Variants in KCNH7 observed in about 807,000 individuals in gnomAD.
The protein encoded by KCNH7 is potassium voltage-gated channel subfamily H member 7.
Under a neutral mutation model 120.8 loss-of-function variants are expected in KCNH7, and 49 were observed. The ratio of observed to expected loss-of-function variants is 0.41; its 90% CI spans 0.32 to 0.51. KCNH7 has a LOEUF of 0.51. Among genes scored for constraint, KCNH7 ranks in the 20% least tolerant of loss-of-function variants. KCNH7 has a pLI of 0.38. For missense variants in KCNH7, 1,097 were observed against 1,446.6 expected, an observed-to-expected ratio of 0.76 and a Z score of 3.92; for synonymous variants, 547 against 516.1, an observed-to-expected ratio of 1.06 and a Z score of -0.81.
At chr2:162,709,657 A>G (rs949488701) in intron 2 of KCNH7, among the ~76,000 whole-genome samples, 16 of 152,128 alleles carry the variant, frequency 1.1e-4, no homozygotes, top group Non-Finnish European at 2.2e-4. Context: ...AGATCTGTTT[A>G]TACTTTTCCC....
intron 2 of KCNH7, among the ~76,000 whole-genome samples, chr2:162,794,951 C>G (rs1559137669): frequency 1.3e-5 from 2 of 151,968 alleles, no homozygotes; most frequent in Non-Finnish European, 2.9e-5. Flanking sequence ...AAATACATAT[C>G]AGAGCTAATG....
chr2:162,484,913 T>C (rs1278489526), intron 6 of KCNH7, among the ~76,000 whole-genome samples: 2 of 152,204 alleles, frequency 1.3e-5, no homozygotes, highest in African/African-American at 2.4e-5. Flanking sequence ...CAGATGCAGA[T>C]GCCCAATCTT....
intron 2 of KCNH7, among the ~76,000 whole-genome samples, chr2:162,750,845 A>T (rs931182354): frequency 1.3e-5 from 2 of 152,180 alleles, no homozygotes; most frequent in Non-Finnish European, 2.9e-5. Flanking sequence ...CTCAATATTT[A>T]TATGGAAAAT....
At chr2:162,695,034 G>A (rs191776405) in intron 2 of KCNH7, among the ~76,000 whole-genome samples, 19 of 152,184 alleles carry the variant, frequency 1.2e-4, no homozygotes, top group Admixed American at 9.2e-4. Flanking sequence ...AGAAAGTGCT[G>A]GGATTGCAGG....
At chr2:162,689,823 G>A (rs1686037402) in intron 2 of KCNH7, among the ~76,000 whole-genome samples, 1 of 152,076 alleles carries the variant, frequency 6.6e-6, no homozygotes. Context: ...CTTAATAAGA[G>A]AGAAGCCCAA....
intron 8 of KCNH7, among the ~76,000 whole-genome samples, chr2:162,424,371 G>A (rs2105493243): frequency 6.6e-6 from 1 of 152,040 alleles, no homozygotes; most frequent in South Asian, 2.1e-4. Flanking sequence ...TTTCTCTCTT[G>A]TTTATATTTG....
At chr2:162,588,295 T>C (rs1314937001) in intron 2 of KCNH7, among the ~76,000 whole-genome samples, 1 of 152,156 alleles carries the variant, frequency 6.6e-6, no homozygotes, top group Non-Finnish European at 1.5e-5. Context: ...ATTCAATTTT[T>C]ATGTTATCTT....
At chr2:162,376,032 T>C (rs576538767) in intron 14 of KCNH7, among the ~76,000 whole-genome samples, 1 of 152,146 alleles carries the variant, frequency 6.6e-6, no homozygotes, top group Non-Finnish European at 1.5e-5. Context: ...GTTTTAGAAC[T>C]TTTTCTTCTG....
intron 2 of KCNH7, among the ~76,000 whole-genome samples, chr2:162,723,643 G>C (rs1687409646): frequency 6.6e-6 from 1 of 152,028 alleles, no homozygotes; most frequent in African/African-American, 2.4e-5. Context: ...TCCCAATGTT[G>C]ATCAACTTTT....
At chr2:162,445,674 A>G (rs1688554730) in intron 7 of KCNH7, among the ~76,000 whole-genome samples, 1 of 152,212 alleles carries the variant, frequency 6.6e-6, no homozygotes, top group Non-Finnish European at 1.5e-5. Flanking sequence ...ATGAGTTAAG[A>G]AAAACAGAGA....
intron 5 of KCNH7, among the ~76,000 whole-genome samples, chr2:162,510,599 T>C (rs1691038210): frequency 6.6e-6 from 1 of 151,742 alleles, no homozygotes; most frequent in African/African-American, 2.4e-5. Flanking sequence ...ATTTATTTAA[T>C]TCAGAATTAA....
At chr2:162,509,239 A>G (rs1296903118) in intron 5 of KCNH7, among the ~76,000 whole-genome samples, 3 of 151,560 alleles carry the variant, frequency 2.0e-5, no homozygotes, top group Non-Finnish European at 4.4e-5. Context: ...ATGAGTTATG[A>G]GATGCTAAAG....
intron 12 of KCNH7, among the ~76,000 whole-genome samples, 200 bp from the exon 13 acceptor site, chr2:162,385,139 G>T (rs1320158606): frequency 6.6e-6 from 1 of 151,716 alleles, no homozygotes; most frequent in East Asian, 1.9e-4. Flanking sequence ...AAAATTAAAA[G>T]AATATTTACA....
At chr2:162,424,782 T>C (rs1046228501) in intron 8 of KCNH7, among the ~76,000 whole-genome samples, 1 of 152,182 alleles carries the variant, frequency 6.6e-6, no homozygotes, top group Non-Finnish European at 1.5e-5. Flanking sequence ...TTATGTACCA[T>C]AGATATCCCA....
chr2:162,635,722 T>G (rs561310257), intron 2 of KCNH7, among the ~76,000 whole-genome samples: 119 of 152,228 alleles, frequency 7.8e-4, no homozygotes, highest in African/African-American at 2.8e-3. Context: ...CATTTTATCT[T>G]GTGCAAAATG....
At chr2:162,766,264 T>C (rs1211375368) in intron 2 of KCNH7, among the ~76,000 whole-genome samples, 1 of 152,170 alleles carries the variant, frequency 6.6e-6, no homozygotes, top group East Asian at 1.9e-4. Flanking sequence ...ATTTCAGCAC[T>C]AGTCAGCGTT....
At chr2:162,613,910 A>G (rs1683054953) in intron 2 of KCNH7, among the ~76,000 whole-genome samples, 1 of 151,980 alleles carries the variant, frequency 6.6e-6, no homozygotes, top group Non-Finnish European at 1.5e-5. Context: ...ACTAGAAAGG[A>G]AAAATGAAGT....
At chr2:162,772,994 A>G (rs1683109925) in intron 2 of KCNH7, among the ~76,000 whole-genome samples, 1 of 152,184 alleles carries the variant, frequency 6.6e-6, no homozygotes, top group Non-Finnish European at 1.5e-5. Flanking sequence ...TTTCCCAAGT[A>G]CCCAATTGTT....
chr2:162,778,946 C>CTTTT (rs200107249), intron 2 of KCNH7, among the ~76,000 whole-genome samples: 78 of 136,468 alleles, frequency 5.7e-4, no homozygotes, highest in African/African-American at 2.1e-3. Flanking sequence ...GGAACAAATT[C>CTTTT]TTTTTTTTTT....
Sources: allele counts gnomAD v4.1 joint callset (sites outside exome capture counted in the v4.1 genomes callset), GRCh38; gene constraint gnomAD v4.1.1; transcripts MANE v1.5; gene names NCBI Gene and HGNC (gene_info 2026-07-23, HGNC 2026-07-21).